The following MROH7 variants were observed in gnomAD, a reference collection of about 807,000 sequenced individuals.
The protein encoded by MROH7 is maestro heat-like repeat-containing protein family member 7.
MROH7 carries 113 observed loss-of-function variants against 129.2 expected under a neutral mutation model. The observed-to-expected ratio is 0.87, with a 90% CI of 0.75 to 1.02. The LOEUF (loss-of-function observed/expected upper bound fraction) is 1.02. Among genes scored for constraint, MROH7 ranks in the 50% least tolerant of loss-of-function variants. MROH7 has a pLI of 0.00. For missense variants in MROH7, 1,601 were observed against 1,671.3 expected (o/e 0.96, Z 0.73); for synonymous variants, 655 against 667.9 (o/e 0.98, Z 0.30).
chr1:54,663,254 T>TA (rs994967241), intron 3 of MROH7, among the ~76,000 whole-genome samples: 1 of 152,234 alleles, frequency 6.6e-6, no homozygotes, highest in Non-Finnish European at 1.5e-5. Flanking sequence ...CAATGGGCTA[T>TA]AATCCGTTTT....
chr1:54,670,785 C>T lies in MROH7; in HGVS notation c.1470-15C>T. Reference sequence around the variant, plus strand: ...CTCTCTCACTCCATTTCTTTGCTTTCTGCCTCTTCTCCAGCCACACCCAGC... The same window carrying T: ...CTCTCTCACTCCATTTCTTTGCTTTTTGCCTCTTCTCCAGCCACACCCAGC... On this transcript the variant is annotated splice_polypyrimidine_tract_variant and intron_variant, in intron 6 of 23. Coordinates refer to ENST00000421030, the MANE Select transcript of MROH7 (RefSeq NM_001039464.4). 6.2e-7 allele frequency: 1 copy of T among 1,611,024 alleles called. No homozygotes were observed. Among genetic ancestry groups the T allele is most frequent in the Non-Finnish European group, 8.5e-7 (1 of 1,178,826 alleles).
At position 54,653,759 on chromosome 1, in the gene MROH7, T is replaced by C; in HGVS notation, c.833T>C (p.Val278Ala). 1 of 1,614,198 alleles carries C rather than the reference T, an allele frequency of 6.2e-7. No homozygotes were observed. The highest frequency in any genetic ancestry group is 1.1e-5 in the South Asian group (1 of 91,082). ...ACAAGTTCAAAGGAAACCATGAATG[T>C]GGCTTCCAGCGGCCACTCCAGATCT... ...WSTSSKETMN[V>A]ASSGHSRSDL... is the part of the protein sequence containing the mutation. The change falls in exon 3 of 24, where the codon GTG (valine) becomes GCG (alanine). Residue 278 changes from valine (V) to alanine (A), a missense_variant. Val to Ala is a moderately conservative substitution (Grantham distance 64). Coordinates refer to ENST00000421030, the MANE Select transcript of MROH7 (RefSeq NM_001039464.4).
In MROH7 at chr1:54,704,793, CTTTTTTTTTT is replaced by C. The variant is rs750428757; in HGVS notation, c.3565-1628_3565-1619del. On this transcript the variant is annotated intron_variant, in intron 21 of 23. Coordinates refer to ENST00000421030, the MANE Select transcript of MROH7 (RefSeq NM_001039464.4). ...ACATGAATTAGCATTCAATGTAGCT[CTTTTTTTTTT>C]TTTTTTTTTTTTTGAGATGGAGTTT... Among the ~76,000 whole-genome samples, 327 of 67,830 alleles carry C rather than the reference CTTTTTTTTTT, an allele frequency of 4.8e-3. 8 individuals carry two copies. Among genetic ancestry groups the C allele is most frequent in the African/African-American group, 0.02 (316 of 15,442 alleles). The allele number at this position is 67,830 out of a possible 152,430, so 44.5% of individuals were successfully genotyped here. A position where few individuals can be genotyped will look rare whatever the true frequency, so the allele number is the denominator to read the frequency against.
chr1:54,684,629 C>T (rs1645118797), intron 14 of MROH7, among the ~76,000 whole-genome samples: 2 of 152,246 alleles, frequency 1.3e-5, no homozygotes, highest in South Asian at 4.1e-4. Context: ...TTTTCCCTTA[C>T]ACCACAGACT....
chr1:54,709,165 T>A, intron 23 of MROH7, 89 bp downstream of exon 23: 1 of 1,259,028 alleles, frequency 7.9e-7, no homozygotes, highest in South Asian at 1.2e-5. Flanking sequence ...GGAAGGGATG[T>A]GTCCCAAGAC....
rs34295281 is a variant in MROH7 at position 54,670,003 on chromosome 1, C to CAA, written c.1390-475_1390-474dup. On this transcript the variant is annotated intron_variant, in intron 5 of 23. Transcript: ENST00000421030. ...TGGGTAACAGAGCAAGACTTCATGT[C>CAA]AAAAAAAAAAAAAAAAAAAATAGTT... Among the ~76,000 whole-genome samples, 245 of 105,186 alleles carry CAA rather than the reference C, an allele frequency of 2.3e-3. 2 individuals are homozygous for CAA. Among genetic ancestry groups the CAA allele is most frequent in the Middle Eastern group, 5.1e-3 (1 of 198 alleles). The allele number at this position is 105,186 out of a possible 152,430, so 69.0% of individuals were successfully genotyped here. A position where few individuals can be genotyped will look rare whatever the true frequency, so the allele number is the denominator to read the frequency against.
chr1:54,650,041 G>T (rs1275637055), intron 1 of MROH7, among the ~76,000 whole-genome samples: 2 of 152,220 alleles, frequency 1.3e-5, no homozygotes, highest in African/African-American at 4.8e-5. Flanking sequence ...TGGAATGAAG[G>T]CAGCTTCCAC....
At chr1:54,686,129 C>A in intron 14 of MROH7, 129 bp from the exon 15 acceptor site, 1 of 763,500 alleles carries the variant, frequency 1.3e-6, no homozygotes, top group Non-Finnish European at 2.0e-6. Flanking sequence ...GGAATCCCAG[C>A]TTCCCCAGGC....
At chr1:54,680,994 C>A (rs1170922457) in intron 13 of MROH7, among the ~76,000 whole-genome samples, 2 of 152,046 alleles carry the variant, frequency 1.3e-5, no homozygotes, top group East Asian at 3.9e-4. Context: ...CATAAGACTA[C>A]TGGGGGCCTC....
intron 14 of MROH7, among the ~76,000 whole-genome samples, chr1:54,684,360 A>T (rs749305476): frequency 6.6e-6 from 1 of 151,936 alleles, no homozygotes; most frequent in African/African-American, 2.4e-5. Flanking sequence ...TCACTCCCAT[A>T]TATCTCTCTG....
rs1424361082 is a variant in MROH7, at chr1:54,699,139, TTTCTTTCTTTCTTTCTTTC to T, written c.2965-1179_2965-1161del. 2.4e-4 allele frequency: 24 copies of T among 101,042 alleles called. 1 individual carries two copies. In the East Asian group the frequency reaches 6.1e-3, roughly 26 times the overall value. The allele number at this position is 101,042 out of a possible 1,614,324, so 6.3% of individuals were successfully genotyped here. On this transcript the variant is annotated intron_variant, in intron 17 of 23. Transcript: ENST00000421030. ...CTTTCTTTCTTTCTTTCTTTCTTTC[TTTCTTTCTTTCTTTCTTTC>T]TTTTCTTTCTTTCTTTCTTTCTTTC...
chr1:54,696,229 G>C (rs1363951852), intron 17 of MROH7, among the ~76,000 whole-genome samples: 2 of 152,152 alleles, frequency 1.3e-5, no homozygotes, highest in Non-Finnish European at 2.9e-5. Context: ...AGACCGCACA[G>C]CTTGTAAGTG....
intron 21 of MROH7, among the ~76,000 whole-genome samples, chr1:54,704,624 G>A (rs192772583): frequency 4.8e-4 from 72 of 151,384 alleles, no homozygotes; most frequent in Non-Finnish European, 7.7e-4. Flanking sequence ...TGTATTTATA[G>A]TAGAGATGGG....
At chr1:54,661,313 A>G (rs1644728596) in intron 3 of MROH7, among the ~76,000 whole-genome samples, 1 of 151,964 alleles carries the variant, frequency 6.6e-6, no homozygotes, top group Non-Finnish European at 1.5e-5. Flanking sequence ...CCTGGGCTCA[A>G]GTGATCCTCC....
At position 54,687,267 on chromosome 1, in the gene MROH7, G is replaced by A. The variant is rs1645163345; in HGVS notation, c.2711+819G>A. ...TGTTTGCATTTTTAGTAGAGATGGG[G>A]TTTCACCACGTTGGCCAGGCTGGTC... On this transcript the variant is annotated intron_variant, in intron 15 of 23. Transcript: ENST00000421030. Among the ~76,000 whole-genome samples, 3 of 152,208 alleles carry A rather than the reference G, an allele frequency of 2.0e-5. No individual in the cohort carries two copies. The South Asian group carries it at 6.2e-4, about 32-fold the overall frequency.
At chr1:54,702,069 T>G in intron 19 of MROH7, 21 bp from the exon 20 acceptor site, 1 of 1,566,404 alleles carries the variant, frequency 6.4e-7, no homozygotes, top group Admixed American at 1.8e-5. Flanking sequence ...GGACCCCCTC[T>G]GAGCCTTTGG....
At chr1:54,649,050 T>C (rs1644514060) in intron 1 of MROH7, among the ~76,000 whole-genome samples, 1 of 152,138 alleles carries the variant, frequency 6.6e-6, no homozygotes, top group Non-Finnish European at 1.5e-5. Context: ...TCTCAGCTGT[T>C]CTGTGTGTGC....
In MROH7 at chr1:54,680,543, A is replaced by T. The variant is rs1261678617; in HGVS notation, c.2381+498A>T. 4.6e-5 allele frequency among the ~76,000 whole-genome samples: 7 copies of T among 152,228 alleles called. No homozygotes were observed. The East Asian group carries it at 1.4e-3, about 29-fold the overall frequency. On this transcript the variant is annotated intron_variant, in intron 13 of 23. Transcript: ENST00000421030. ...AGGTGGGTGGTCATGACAGTAATGC[A>T]GCCAGCGGTGCTGAGTGCCTGCTCA...
At chr1:54,655,159 C>T (rs1451962165) in intron 3 of MROH7, among the ~76,000 whole-genome samples, 40 of 151,022 alleles carry the variant, frequency 2.6e-4, no homozygotes, top group Non-Finnish European at 1.6e-4. Flanking sequence ...GGATTACAGG[C>T]GCCCACCACC....
Sources: allele counts gnomAD v4.1 joint callset (sites outside exome capture counted in the v4.1 genomes callset), GRCh38; gene constraint gnomAD v4.1.1; transcripts MANE v1.5; gene names NCBI Gene and HGNC (gene_info 2026-07-23, HGNC 2026-07-21).